SI: variants seen among roughly 807,000 people sequenced by gnomAD.
SI encodes the protein sucrase-isomaltase.
SI carries 235 observed loss-of-function variants against 253.3 expected under a neutral mutation model. The ratio of observed to expected loss-of-function variants is 0.93; its 90% CI spans 0.83 to 1.03. The LOEUF is 1.03. Among genes scored for constraint, SI ranks in the 50% least tolerant of loss-of-function variants. The pLI, the probability that SI is intolerant of heterozygous loss-of-function variation, is 0.00. For missense variants in SI, 2,442 were observed against 2,211.1 expected, an observed-to-expected ratio of 1.10 and a Z score of -2.09; for synonymous variants, 819 against 712.0, an observed-to-expected ratio of 1.15 and a Z score of -2.39.
intron 16 of SI, among the ~76,000 whole-genome samples, chr3:165,043,426 AT>A (rs1158559305): frequency 6.6e-6 from 1 of 151,570 alleles, no homozygotes; most frequent in Non-Finnish European, 1.5e-5. Context: ...CATTTTACTC[AT>A]TTTTTATTTT....
intron 16 of SI, 119 bp downstream of exon 16, chr3:165,046,722 A>G: frequency 5.9e-6 from 5 of 846,314 alleles, no homozygotes; most frequent in Non-Finnish European, 9.3e-6. Context: ...CATAAAAATA[A>G]AAAACTGAAT....
upstream of SI, among the ~76,000 whole-genome samples, chr3:165,082,725 G>A (rs1369879982): frequency 6.6e-6 from 1 of 151,902 alleles, no homozygotes; most frequent in Non-Finnish European, 1.5e-5. Context: ...ATGCTTTTCA[G>A]GATGTTTTAT....
At chr3:165,037,761 G>T (rs1005286856) in intron 21 of SI, 139 bp downstream of exon 21, 2 of 580,834 alleles carry the variant, frequency 3.4e-6, no homozygotes, top group Non-Finnish European at 6.2e-6. Context: ...AGCTATGATG[G>T]TTATAGTTCA....
intron 3 of SI, among the ~76,000 whole-genome samples, chr3:165,069,604 T>C (rs1714431428): frequency 6.6e-6 from 1 of 152,096 alleles, no homozygotes; most frequent in South Asian, 2.1e-4. Flanking sequence ...TGGCCTTGAA[T>C]TTAAACCCAC....
chr3:165,012,914 A>G, intron 34 of SI, 66 bp downstream of exon 34: 1 of 995,150 alleles, frequency 1.0e-6, no homozygotes, highest in Admixed American at 1.7e-5. Context: ...TTAGTTATTG[A>G]TTAAAATAAT....
upstream of SI, among the ~76,000 whole-genome samples, chr3:165,080,983 G>A (rs900449732): frequency 4.0e-5 from 6 of 151,654 alleles, no homozygotes; most frequent in African/African-American, 7.3e-5. Context: ...ATTTCGTATC[G>A]TTATCTCCCT....
At chr3:165,073,188 C>T (rs1206144680) in intron 3 of SI, among the ~76,000 whole-genome samples, 1 of 21,178 alleles carries the variant, frequency 4.7e-5, no homozygotes, top group Non-Finnish European at 1.1e-4. Flanking sequence ...CTCTCTCTCT[C>T]TCTCTCTCTC....
At chr3:165,058,898 A>AC in intron 12 of SI, 65 bp downstream of exon 12, 2 of 1,412,410 alleles carry the variant, frequency 1.4e-6, no homozygotes, top group Non-Finnish European at 1.0e-6. Context: ...GCACATCCAC[A>AC]GAAACTTTAT....
At chr3:165,035,912 T>A (rs1160137968) in intron 22 of SI, among the ~76,000 whole-genome samples, 1 of 151,702 alleles carries the variant, frequency 6.6e-6, no homozygotes. Flanking sequence ...CTCAAGAAAT[T>A]CAATTAAAGA....
intron 22 of SI, among the ~76,000 whole-genome samples, chr3:165,033,945 TGAGGAAAATG>T (rs1468747987): frequency 6.6e-6 from 1 of 151,532 alleles, no homozygotes; most frequent in Non-Finnish European, 1.5e-5. Flanking sequence ...TAAACTTTAA[TGAGGAAAATG>T]GATGAATACA....
At chr3:164,990,938 T>C (rs910385780) in intron 44 of SI, among the ~76,000 whole-genome samples, 1 of 152,156 alleles carries the variant, frequency 6.6e-6, no homozygotes, top group Non-Finnish European at 1.5e-5. Context: ...AGGGTTTCTT[T>C]TTAAAAATTC....
intron 5 of SI, among the ~76,000 whole-genome samples, chr3:165,067,794 G>T (rs1204269122): frequency 6.6e-6 from 1 of 151,706 alleles, no homozygotes; most frequent in Admixed American, 6.6e-5. Context: ...CAGAATATTA[G>T]ACCTTTGTGA....
chr3:165,048,444 C>A (rs1391456575), intron 15 of SI, among the ~76,000 whole-genome samples: 1 of 150,372 alleles, frequency 6.7e-6, no homozygotes, highest in Non-Finnish European at 1.5e-5. Context: ...TTTTCCCAGG[C>A]TAATTGTGAG....
intron 38 of SI, among the ~76,000 whole-genome samples, chr3:164,997,644 G>A (rs753608946): frequency 2.6e-4 from 40 of 151,480 alleles, no homozygotes; most frequent in African/African-American, 9.4e-4. Context: ...CTCCTCCCAC[G>A]CCACAACTTC....
the SI span, among the ~76,000 whole-genome samples, chr3:165,084,548 A>G: frequency 2.6e-5 from 4 of 152,142 alleles, no homozygotes; most frequent in African/African-American, 7.2e-5. Flanking sequence ...ATACACAAAA[A>G]TTAACAACTA....
chr3:165,021,341 A>G lies in SI; in HGVS notation c.3142T>C (p.Leu1048=). ...QKKRYEVPVP[L]NIPTTPISTY... is the part of the protein sequence containing the mutation. Reference sequence around the variant, plus strand: ...CTTATTGGGGTGGTTGGAATGTTTAACGGTACTGGTACTTCATATCTCTTC... The same window carrying G: ...CTTATTGGGGTGGTTGGAATGTTTAGCGGTACTGGTACTTCATATCTCTTC... Residue 1048 remains leucine (L), a synonymous_variant, in exon 27 of 48, where the codon TTA becomes CTA. Coordinates refer to ENST00000264382, the MANE Select transcript of SI (RefSeq NM_001041.4). The G allele has an allele frequency of 6.2e-7, 1 of 1,611,074 alleles. No homozygotes were observed. The highest frequency in any genetic ancestry group is 1.3e-5 in the African/African-American group (1 of 74,844).
At chr3:165,087,018 T>C in the SI span, among the ~76,000 whole-genome samples, 1 of 152,122 alleles carries the variant, frequency 6.6e-6, no homozygotes. Context: ...ATATCCCACG[T>C]GCTCCCCTAC....
At chr3:165,079,632 C>A (rs1288918508), upstream of SI, among the ~76,000 whole-genome samples, 1 of 151,350 alleles carries the variant, frequency 6.6e-6, no homozygotes, top group East Asian at 1.9e-4. Flanking sequence ...ATTCATATGC[C>A]ACATTATTTT....
At position 165,039,879 on chromosome 3, in the gene SI, G is replaced by T. The variant is rs374636364; in HGVS notation, c.2244+8C>A. 3.1e-6 allele frequency: 5 copies of T among 1,593,548 alleles called. No individual in the cohort carries two copies. Among genetic ancestry groups the T allele is most frequent in the Non-Finnish European group, 4.3e-6 (5 of 1,161,650 alleles). ...AAACAATAAGGTTATTAAACCTGTA[G>T]AGCCTACCTGTTTTAGAACAGGAGT... On this transcript the variant is annotated splice_region_variant and intron_variant, in intron 19 of 47. Coordinates refer to ENST00000264382, the MANE Select transcript of SI (RefSeq NM_001041.4).
Sources: gnomAD v4.1 joint callset for allele counts (sites outside exome capture counted in the v4.1 genomes callset) on GRCh38, gnomAD v4.1.1 for gene constraint, MANE v1.5 for transcripts, NCBI Gene and HGNC (gene_info 2026-07-23, HGNC 2026-07-21) for gene names.